The following PKN3 variants were observed in gnomAD, a reference collection of about 807,000 sequenced individuals.
PKN3 encodes the protein protein kinase N3.
A neutral mutation model predicts 113.1 loss-of-function variants in PKN3; 91 were observed. The ratio of observed to expected loss-of-function variants is 0.80; its 90% CI spans 0.68 to 0.96. The LOEUF (loss-of-function observed/expected upper bound fraction) is 0.96. Among genes scored for constraint, PKN3 ranks in the 40% least tolerant of loss-of-function variants. The probability of loss-of-function intolerance (pLI) is 0.00; values close to 1 mark genes in which losing one functional copy is unlikely to be tolerated. For synonymous variants in PKN3, 467 were observed against 499.0 expected, an observed-to-expected ratio of 0.94 and a Z score of 0.85; for missense variants, 1,052 against 1,202.2, an observed-to-expected ratio of 0.88 and a Z score of 1.85.
intron 1 of PKN3, chr9:128,703,535 G>C (rs1209877764): frequency 2.0e-6 from 2 of 985,312 alleles, no homozygotes. Flanking sequence ...GTAGGTGCGC[G>C]TGGGCCCGGA....
rs552853132 is a variant in PKN3 at position 128,709,101 on chromosome 9, C to T, written c.835+1696C>T. On this transcript the variant is annotated intron_variant, in intron 6 of 21. Transcript: ENST00000291906. The stretch of plus-strand genomic sequence containing the variant: ...GAGATCGAGACCATCCTGGCTAACA[C>T]GGTGAAACCCTGTCTCCACTAAAAA... 9.9e-5 allele frequency among the ~76,000 whole-genome samples: 15 copies of T among 151,182 alleles called. No homozygotes were observed. The South Asian group carries it at 1.5e-3, about 15-fold the overall frequency.
chr9:128,715,077 C>T lies in PKN3; in HGVS notation c.1653-95C>T. On this transcript the variant is annotated intron_variant, in intron 13 of 21. Coordinates refer to ENST00000291906, the MANE Select transcript of PKN3 (RefSeq NM_013355.5). The surrounding 1 kb of genome is among the most constrained non-coding windows in gnomAD (Gnocchi z 4.1). Reference sequence around the variant, plus strand: ...GCTTTTTCGAGCCCATAGGTCGGGACAGCCCAGGACTGGGCATGGGAGGCT... The same window carrying T: ...GCTTTTTCGAGCCCATAGGTCGGGATAGCCCAGGACTGGGCATGGGAGGCT... The T allele has an allele frequency of 3.0e-6, 4 of 1,343,436 alleles. No individual in the cohort carries two copies. Among genetic ancestry groups the T allele is most frequent in the Non-Finnish European group, 4.3e-6 (4 of 940,400 alleles). The allele number at this position is 1,343,436 out of a possible 1,614,324, so 83.2% of individuals were successfully genotyped here.
rs778625869 is a variant in PKN3, at chr9:128,720,566, G to A, written c.2630G>A (p.Arg877Gln). 29 of 1,613,292 alleles carry A rather than the reference G, an allele frequency of 1.8e-5. No individual in the cohort carries two copies. Among genetic ancestry groups the A allele is most frequent in the East Asian group, 1.3e-4 (6 of 44,892 alleles). Residue 877 changes from arginine to glutamine, a missense_variant, in exon 22 of 22, where the codon CGG becomes CAG. This residue lies in a region of PKN3 where 333 missense variants were observed against 442.8 expected (regional missense o/e 0.75). Coordinates refer to ENST00000291906, the MANE Select transcript of PKN3 (RefSeq NM_013355.5). The surrounding 1 kb of genome is among the most constrained non-coding windows in gnomAD (Gnocchi z 5.5). ...ACTGCCCGCCAACAGGCCGCCTTCC[G>A]GGACTTCGACTTTGTGTCAGAGCGA... Reference protein sequence around the residue: ...LLTARQQAAFRDFDFVSERFL... With the variant: ...LLTARQQAAFQDFDFVSERFL...
At chr9:128,711,873 A>C (rs899220886) in intron 6 of PKN3, among the ~76,000 whole-genome samples, 8 of 150,216 alleles carry the variant, frequency 5.3e-5, no homozygotes, top group African/African-American at 2.0e-4. Flanking sequence ...TGCTGGGATT[A>C]CAGGTGTGAG....
chr9:128,720,477 CT>C lies in PKN3; in HGVS notation c.2544del (p.Phe848LeufsTer12). On this transcript the variant is annotated frameshift_variant, in exon 22 of 22. Transcript: ENST00000291906. LOFTEE classifies it high-confidence loss of function. The surrounding 1 kb of genome is among the most constrained non-coding windows in gnomAD (Gnocchi z 5.5). ...TGTGTGGCCCTGCGGACCTGCGCTA[CT>C]TTGAGGGCGAGTTCACAGGGCTGCC... The part of the protein sequence containing the change: ...TLCGPADLRY[F>X]EGEFTGLPPA... 1 of 1,613,228 alleles carries C rather than the reference CT, an allele frequency of 6.2e-7. No homozygotes were observed.
chr9:128,718,895 TTG>T (rs1862427291), intron 18 of PKN3, among the ~76,000 whole-genome samples: 1 of 28,316 alleles, frequency 3.5e-5, no homozygotes, highest in Non-Finnish European at 5.9e-4. Flanking sequence ...TGTTTTTTTT[TTG>T]GTTTGTTTTT....
rs746121813 is a variant in PKN3, at chr9:128,713,270, C to T, written c.983-8C>T. On this transcript the variant is annotated splice_region_variant and splice_polypyrimidine_tract_variant and intron_variant, in intron 7 of 21. Coordinates refer to ENST00000291906, the MANE Select transcript of PKN3 (RefSeq NM_013355.5). ...GGCCTGCCCTGAGTCCCGGCTCTGG[C>T]CCTGCAGGCGAGGTGCTGGCTGTGC... The T allele has an allele frequency of 4.4e-5, 71 of 1,613,426 alleles. No individual in the cohort carries two copies. The highest frequency in any genetic ancestry group is 5.2e-5 in the Non-Finnish European group (61 of 1,179,742).
At position 128,714,605 on chromosome 9, in the gene PKN3, C is replaced by G. The variant is rs202027236; in HGVS notation, c.1525C>G (p.Pro509Ala). The G allele has an allele frequency of 1.2e-5, 17 of 1,407,854 alleles. No individual in the cohort carries two copies. The South Asian group carries it at 1.8e-4, about 15-fold the overall frequency. 87.2% of individuals were successfully genotyped at this position (1,407,854 alleles called of 1,614,324 possible). A position where few individuals can be genotyped will look rare whatever the true frequency, so the allele number is the denominator to read the frequency against. ...GACCCCCTTGGGTGAAGAGATGACA[C>G]CCCCACCCAAGCCCCCACGCCTCTA... Reference protein sequence around the residue: ...KKTPLGEEMTPPPKPPRLYLP... With the variant: ...KKTPLGEEMTAPPKPPRLYLP... The change falls in exon 12 of 22, where the codon CCC becomes GCC. Residue 509 changes from proline to alanine, a missense_variant. This residue lies in a region of PKN3 where 719 missense variants were observed against 759.4 expected (regional missense o/e 0.95). Transcript: ENST00000291906.
chr9:128,702,557 G>C lies in PKN3; in HGVS notation c.-359G>C. 1 of 265,448 alleles carries C rather than the reference G, an allele frequency of 3.8e-6. No homozygotes were observed. The highest frequency in any genetic ancestry group is 7.0e-6 in the Non-Finnish European group (1 of 142,578). The allele number at this position is 265,448 out of a possible 1,614,324, so 16.4% of individuals were successfully genotyped here. A position where few individuals can be genotyped will look rare whatever the true frequency, so the allele number is the denominator to read the frequency against. ...GGGCGCGCGGCGGGGAAGGCCAGAG[G>C]ACCTGGGCGCGGGCGATGTGCCTCC... On this transcript the variant is annotated 5_prime_UTR_variant, in exon 1 of 22. Coordinates refer to ENST00000291906, the MANE Select transcript of PKN3 (RefSeq NM_013355.5).
intron 1 of PKN3, chr9:128,703,724 T>G: frequency 3.0e-6 from 3 of 985,388 alleles, no homozygotes; most frequent in Non-Finnish European, 3.6e-6. Context: ...ATGGGGGTGT[T>G]GCGGGGTGCG....
intron 6 of PKN3, 53 bp downstream of exon 6, chr9:128,707,458 C>G (rs376284326): frequency 2.7e-6 from 4 of 1,463,292 alleles, no homozygotes; most frequent in African/African-American, 1.4e-5. Context: ...GGGGGGAGGC[C>G]GGAAGCACAA....
chr9:128,718,368 G>C lies in PKN3; in HGVS notation c.2029G>C (p.Glu677Gln). 1 of 1,604,458 alleles carries C rather than the reference G, an allele frequency of 6.2e-7. No individual in the cohort carries two copies. Among genetic ancestry groups the C allele is most frequent in the African/African-American group, 1.3e-5 (1 of 74,564 alleles). ...CVVLGLQFLH[E>Q]KKIIYRDLKL... ...TGTCCTGGGGCTGCAGTTCTTACAC[G>C]AGAAGAAGATCATTTACAGGTGACT... Residue 677 changes from glutamate to glutamine, a missense_variant, in exon 17 of 22, where the codon GAG (glutamate) becomes CAG (glutamine). Glu to Gln is a conservative substitution (Grantham distance 29). Transcript: ENST00000291906.
At chr9:128,718,647 C>A in intron 18 of PKN3, 22 bp downstream of exon 18, 1 of 1,609,592 alleles carries the variant, frequency 6.2e-7, no homozygotes, top group Non-Finnish European at 8.5e-7. Context: ...CCATTGGGAT[C>A]CATATCTCCA....
intron 7 of PKN3, 22 bp from the exon 8 acceptor site, chr9:128,713,256 A>G (rs1862233158): frequency 6.2e-7 from 1 of 1,613,052 alleles, no homozygotes; most frequent in Non-Finnish European, 8.5e-7. Flanking sequence ...GCCTGCCCTG[A>G]GTCCCGGCTC....
intron 1 of PKN3, chr9:128,704,063 G>C: frequency 1.2e-6 from 1 of 838,174 alleles, no homozygotes; most frequent in Non-Finnish European, 1.3e-6. Flanking sequence ...GTCTGGGGTG[G>C]GGGGGTCCCT....
intron 7 of PKN3, 32 bp downstream of exon 7, chr9:128,713,230 G>A (rs536833315): frequency 6.2e-7 from 1 of 1,610,670 alleles, no homozygotes; most frequent in African/African-American, 1.3e-5. Flanking sequence ...GGGGGAGCAG[G>A]AGACCCCTGC....
intron 6 of PKN3, among the ~76,000 whole-genome samples, chr9:128,710,573 C>T (rs1862147242): frequency 6.6e-6 from 1 of 151,970 alleles, no homozygotes; most frequent in African/African-American, 2.4e-5. Flanking sequence ...CTCACTGCAA[C>T]CTCCGCCTCC....
chr9:128,717,117 C>CTTTTCTTTTTTTTTTT (rs1862363366), intron 16 of PKN3, among the ~76,000 whole-genome samples, 194 bp downstream of exon 16: 3 of 24,366 alleles, frequency 1.2e-4, no homozygotes, highest in Non-Finnish European at 2.4e-4. Context: ...CATTAGGTTT[C>CTTTTCTTTTTTTTTTT]TTTTTTTTTT....
At position 128,713,502 on chromosome 9, in the gene PKN3, C is replaced by T. The variant is rs760414400; in HGVS notation, c.1096C>T (p.Arg366Cys). 23 of 1,613,920 alleles carry T rather than the reference C, an allele frequency of 1.4e-5. No individual in the cohort carries two copies. The highest frequency in any genetic ancestry group is 6.7e-5 in the Admixed American group (4 of 59,994). ...CAGCCTGGCCTCCCCAATACAGGCC[C>T]GTGAGCTGGAGATTGGGGTACACTG... ...QTFVIPLERA[R>C]ELEIGVHWRD... Residue 366 changes from arginine (R) to cysteine (C), a missense_variant, in exon 9 of 22, where the codon CGT (arginine) becomes TGT (cysteine). Transcript: ENST00000291906.
Sources: allele counts gnomAD v4.1 joint callset (sites outside exome capture counted in the v4.1 genomes callset), GRCh38; gene constraint gnomAD v4.1.1; regional missense constraint gnomAD v4.1.1; non-coding constraint Gnocchi (gnomAD v3.1); transcripts MANE v1.5; gene names NCBI Gene and HGNC (gene_info 2026-07-23, HGNC 2026-07-21).